The following RAPGEF5 variants were observed in gnomAD, a reference collection of about 807,000 sequenced individuals.
RAPGEF5 encodes M-Ras-regulated GEF.
Under a neutral mutation model 125.2 loss-of-function variants are expected in RAPGEF5, and 65 were observed. That is an observed-to-expected ratio of 0.52 (90% CI 0.43 to 0.64). The LOEUF is 0.64. Ranked by LOEUF, RAPGEF5 falls within the 30% of genes least tolerant of loss-of-function variation. The pLI, the probability that RAPGEF5 is intolerant of heterozygous loss-of-function variation, is 0.00. For synonymous variants in RAPGEF5, 391 were observed against 385.9 expected (o/e 1.01, Z -0.16); for missense variants, 958 against 1,048.1 (o/e 0.91, Z 1.19).
intron 7 of RAPGEF5, among the ~76,000 whole-genome samples, chr7:22,239,918 T>G (rs924379326): frequency 6.6e-5 from 10 of 150,610 alleles, no homozygotes; most frequent in Admixed American, 6.6e-5. Flanking sequence ...GGAAAAAAGG[T>G]TTTTTTTTGG....
chr7:22,126,842 C>T (rs1280887298), intron 24 of RAPGEF5, among the ~76,000 whole-genome samples: 1 of 151,950 alleles, frequency 6.6e-6, no homozygotes, highest in Non-Finnish European at 1.5e-5. Context: ...AGGCTGGTCT[C>T]GAACTCCTGA....
At chr7:22,337,251 G>A (rs556597206) in intron 1 of RAPGEF5, among the ~76,000 whole-genome samples, 1 of 152,258 alleles carries the variant, frequency 6.6e-6, no homozygotes, top group South Asian at 2.1e-4. Flanking sequence ...ATAGAGGTGT[G>A]GAAAATGGTC....
chr7:22,283,895 C>T (rs866568616), intron 6 of RAPGEF5, among the ~76,000 whole-genome samples: 1 of 152,066 alleles, frequency 6.6e-6, no homozygotes, highest in South Asian at 2.1e-4. Flanking sequence ...AGATAAATTT[C>T]CCCCTGCCCT....
chr7:22,290,965 C>T (rs992007541), intron 6 of RAPGEF5, among the ~76,000 whole-genome samples: 2 of 152,116 alleles, frequency 1.3e-5, no homozygotes, highest in Admixed American at 6.5e-5. Context: ...GAACTTTCCA[C>T]CAGAAATATC....
chr7:22,243,413 T>G (rs1306010641), intron 7 of RAPGEF5, among the ~76,000 whole-genome samples: 1 of 152,074 alleles, frequency 6.6e-6, no homozygotes, highest in Admixed American at 6.6e-5. Context: ...CCCACCATCA[T>G]GCCCAGCTAA....
At chr7:22,145,273 G>T in intron 19 of RAPGEF5, 51 bp from the exon 20 acceptor site, 1 of 1,516,978 alleles carries the variant, frequency 6.6e-7, no homozygotes, top group Non-Finnish European at 8.9e-7. Context: ...AAGTATGGTT[G>T]ATACAAAACT....
intron 17 of RAPGEF5, among the ~76,000 whole-genome samples, chr7:22,153,721 CT>C (rs1335247856): frequency 6.6e-6 from 1 of 152,204 alleles, no homozygotes; most frequent in Non-Finnish European, 1.5e-5. Context: ...CATTTTTCAA[CT>C]ACTGATGCTA....
At chr7:22,263,456 G>A (rs546539240) in intron 7 of RAPGEF5, among the ~76,000 whole-genome samples, 3 of 152,288 alleles carry the variant, frequency 2.0e-5, no homozygotes, top group South Asian at 4.1e-4. Flanking sequence ...GTGGCTGGGT[G>A]TGGTGGCTTA....
intron 7 of RAPGEF5, among the ~76,000 whole-genome samples, chr7:22,264,520 C>T (rs1040155853): frequency 2.0e-5 from 3 of 152,174 alleles, no homozygotes; most frequent in Non-Finnish European, 4.4e-5. Flanking sequence ...CTTCATCTCC[C>T]TCCACCTCCA....
chr7:22,134,522 G>A (rs1237312353), intron 23 of RAPGEF5, among the ~76,000 whole-genome samples: 1 of 152,142 alleles, frequency 6.6e-6, no homozygotes. Flanking sequence ...TATTTTGGGG[G>A]GGAAACCACT....
At chr7:22,334,461 C>T (rs1783988465) in intron 1 of RAPGEF5, among the ~76,000 whole-genome samples, 1 of 152,080 alleles carries the variant, frequency 6.6e-6, no homozygotes, top group African/African-American at 2.4e-5. Context: ...CCGAGAGAAC[C>T]ATGAAGAACT....
At chr7:22,331,638 G>T (rs760223309) in intron 1 of RAPGEF5, among the ~76,000 whole-genome samples, 5 of 151,854 alleles carry the variant, frequency 3.3e-5, no homozygotes, top group Non-Finnish European at 7.4e-5. Flanking sequence ...CCAGCTACTC[G>T]GGATGCTGAG....
intron 20 of RAPGEF5, among the ~76,000 whole-genome samples, chr7:22,141,689 G>T (rs1166060333): frequency 1.3e-5 from 2 of 152,202 alleles, no homozygotes; most frequent in Admixed American, 6.5e-5. Flanking sequence ...CATCTTGCAG[G>T]CACCTTGCTG....
intron 7 of RAPGEF5, among the ~76,000 whole-genome samples, chr7:22,249,360 T>C (rs1786560917): frequency 6.6e-6 from 1 of 152,028 alleles, no homozygotes; most frequent in Non-Finnish European, 1.5e-5. Context: ...CTAATTTTTG[T>C]ATTTTTTTTG....
At chr7:22,257,410 C>T (rs1164298793) in intron 7 of RAPGEF5, among the ~76,000 whole-genome samples, 1 of 152,186 alleles carries the variant, frequency 6.6e-6, no homozygotes, top group African/African-American at 2.4e-5. Context: ...TTACCTTTCT[C>T]TGACAGTCAC....
At chr7:22,237,190 A>G (rs1786213200) in intron 7 of RAPGEF5, among the ~76,000 whole-genome samples, 1 of 152,202 alleles carries the variant, frequency 6.6e-6, no homozygotes, top group Admixed American at 6.5e-5. Flanking sequence ...GCTTCCTCCT[A>G]GCCCAACAAA....
At chr7:22,223,186 G>C (rs1440204783) in intron 8 of RAPGEF5, among the ~76,000 whole-genome samples, 1 of 152,106 alleles carries the variant, frequency 6.6e-6, no homozygotes, top group Admixed American at 6.6e-5. Context: ...GGAAGATAAG[G>C]AGTAATCAAT....
intron 4 of RAPGEF5, among the ~76,000 whole-genome samples, chr7:22,308,989 G>A (rs1036701636): frequency 1.3e-5 from 2 of 152,028 alleles, no homozygotes; most frequent in African/African-American, 2.4e-5. Context: ...TACTAGTATT[G>A]GAGGGTAGAA....
intron 23 of RAPGEF5, among the ~76,000 whole-genome samples, chr7:22,132,954 C>G (rs941965907): frequency 5.3e-5 from 8 of 152,174 alleles, no homozygotes; most frequent in Admixed American, 4.6e-4. Context: ...GGCTGGCTCC[C>G]CCTCACCACT....
Sources: gnomAD v4.1 joint callset for allele counts (sites outside exome capture counted in the v4.1 genomes callset) on GRCh38, gnomAD v4.1.1 for gene constraint, MANE v1.5 for transcripts, NCBI Gene and HGNC (gene_info 2026-07-23, HGNC 2026-07-21) for gene names.